The following ITFG1 variants were observed in gnomAD, a reference collection of about 807,000 sequenced individuals.
The protein encoded by ITFG1 is T-cell immunomodulatory protein.
A neutral mutation model predicts 81.8 loss-of-function variants in ITFG1; 34 were observed. That is an observed-to-expected ratio of 0.42 (90% CI 0.32 to 0.55). ITFG1 has a LOEUF of 0.55. Among genes scored for constraint, ITFG1 ranks in the 20% least tolerant of loss-of-function variants. The pLI is 0.17. For missense variants in ITFG1, 672 were observed against 755.4 expected, an observed-to-expected ratio of 0.89 and a Z score of 1.29; for synonymous variants, 285 against 270.6, an observed-to-expected ratio of 1.05 and a Z score of -0.52.
chr16:47,206,144 G>A (rs1965497396), intron 14 of ITFG1, among the ~76,000 whole-genome samples: 1 of 152,090 alleles, frequency 6.6e-6, no homozygotes, highest in Admixed American at 6.6e-5. Flanking sequence ...GGGAACACAG[G>A]CGTGATCCAC....
chr16:47,163,088 C>T (rs1964834641), intron 14 of ITFG1, among the ~76,000 whole-genome samples: 2 of 152,170 alleles, frequency 1.3e-5, no homozygotes, highest in Non-Finnish European at 2.9e-5. Flanking sequence ...AGGCGTGACC[C>T]ACCGTGCTCA....
At chr16:47,384,935 C>T (rs758504499) in intron 6 of ITFG1, among the ~76,000 whole-genome samples, 4 of 152,118 alleles carry the variant, frequency 2.6e-5, no homozygotes, top group Admixed American at 6.6e-5. Context: ...CTACTCCTTC[C>T]TTGAGGAGGC....
intron 8 of ITFG1, among the ~76,000 whole-genome samples, chr16:47,345,293 T>C (rs1967837030): frequency 1.6e-5 from 2 of 122,732 alleles, no homozygotes; most frequent in Admixed American, 1.5e-4. Flanking sequence ...AAAAAACTCT[T>C]TTTTTTTTTG....
At chr16:47,448,079 T>A (rs1309667789) in intron 5 of ITFG1, 2 of 152,204 alleles carry the variant, frequency 1.3e-5, no homozygotes, top group Non-Finnish European at 2.9e-5. Context: ...TAACGCTGAT[T>A]ACAAAGTCAA....
At chr16:47,190,198 CTTTT>C (rs1264875260) in intron 14 of ITFG1, among the ~76,000 whole-genome samples, 4 of 151,344 alleles carry the variant, frequency 2.6e-5, no homozygotes, top group Admixed American at 2.6e-4. Flanking sequence ...TATAAGGGGC[CTTTT>C]TTTAGTAGGA....
chr16:47,253,709 G>A (rs577260438), intron 12 of ITFG1, among the ~76,000 whole-genome samples: 3 of 152,278 alleles, frequency 2.0e-5, no homozygotes, highest in East Asian at 3.9e-4. Flanking sequence ...CACAATAGGC[G>A]TCGTGCTCCT....
intron 6 of ITFG1, among the ~76,000 whole-genome samples, chr16:47,426,579 C>T (rs1270253764): frequency 6.7e-6 from 1 of 150,048 alleles, no homozygotes; most frequent in Non-Finnish European, 1.5e-5. Context: ...TCTCCCCTCT[C>T]CTCCCCACCA....
chr16:47,418,933 C>T (rs1333704578), intron 6 of ITFG1, among the ~76,000 whole-genome samples: 2 of 152,064 alleles, frequency 1.3e-5, no homozygotes, highest in East Asian at 3.9e-4. Flanking sequence ...GTGAAGAATG[C>T]CATTGTTATT....
intron 10 of ITFG1, among the ~76,000 whole-genome samples, chr16:47,300,438 C>T (rs1967058174): frequency 6.6e-6 from 1 of 152,204 alleles, no homozygotes; most frequent in Non-Finnish European, 1.5e-5. Context: ...CAGTTCTTCA[C>T]ACCCCTGAGG....
At chr16:47,390,535 T>C (rs563022653) in intron 6 of ITFG1, among the ~76,000 whole-genome samples, 30 of 152,324 alleles carry the variant, frequency 2.0e-4, no homozygotes, top group Non-Finnish European at 4.3e-4. Context: ...CTCGGTTCAC[T>C]GCAACCTCCA....
chr16:47,387,570 ACAG>A (rs1968478236), intron 6 of ITFG1, among the ~76,000 whole-genome samples: 1 of 152,058 alleles, frequency 6.6e-6, no homozygotes, highest in Non-Finnish European at 1.5e-5. Flanking sequence ...CCACCTCCAA[ACAG>A]CACACAAATA....
At chr16:47,187,798 A>G (rs1965240823) in intron 14 of ITFG1, among the ~76,000 whole-genome samples, 1 of 152,196 alleles carries the variant, frequency 6.6e-6, no homozygotes, top group Admixed American at 6.5e-5. Flanking sequence ...TGCACAGCAA[A>G]AGAAACTACC....
intron 10 of ITFG1, among the ~76,000 whole-genome samples, chr16:47,266,427 C>T (rs887398272): frequency 1.1e-4 from 16 of 152,094 alleles, no homozygotes; most frequent in African/African-American, 2.4e-4. Flanking sequence ...CATGTTGGCC[C>T]GGCTGGTCTT....
intron 6 of ITFG1, among the ~76,000 whole-genome samples, chr16:47,403,761 TACACACACACAC>T (rs55978309): frequency 3.2e-4 from 43 of 133,236 alleles, no homozygotes; most frequent in African/African-American, 9.1e-4. Context: ...TCTCTCTTGG[TACACACACACAC>T]ACACACACAC....
chr16:47,167,584 C>G (rs905110179), intron 14 of ITFG1, among the ~76,000 whole-genome samples: 3 of 152,054 alleles, frequency 2.0e-5, no homozygotes, highest in Non-Finnish European at 4.4e-5. Flanking sequence ...ACCCCCTTGA[C>G]TGTAATTTTC....
chr16:47,186,484 A>C (rs1386605421), intron 14 of ITFG1, among the ~76,000 whole-genome samples: 2 of 152,242 alleles, frequency 1.3e-5, no homozygotes, highest in Non-Finnish European at 2.9e-5. Context: ...GTAATCCAGC[A>C]TAGAAACAGA....
At chr16:47,397,074 TAGG>T (rs1968603125) in intron 6 of ITFG1, among the ~76,000 whole-genome samples, 2 of 152,286 alleles carry the variant, frequency 1.3e-5, no homozygotes, top group South Asian at 2.1e-4. Flanking sequence ...AGAAACCTCA[TAGG>T]AGGAGATTTG....
At chr16:47,368,256 A>AAG (rs1968203439) in intron 7 of ITFG1, among the ~76,000 whole-genome samples, 1 of 149,678 alleles carries the variant, frequency 6.7e-6, no homozygotes, top group African/African-American at 2.5e-5. Context: ...AAAAAAAAAA[A>AAG]AGATCACAGC....
chr16:47,378,315 A>G (rs1968352347), intron 6 of ITFG1, among the ~76,000 whole-genome samples: 1 of 152,222 alleles, frequency 6.6e-6, no homozygotes, highest in Non-Finnish European at 1.5e-5. Context: ...CAAGAAATCA[A>G]AGGTCTGGTG....
Sources: gnomAD v4.1 joint callset for allele counts (sites outside exome capture counted in the v4.1 genomes callset) on GRCh38, gnomAD v4.1.1 for gene constraint, MANE v1.5 for transcripts, NCBI Gene and HGNC (gene_info 2026-07-23, HGNC 2026-07-21) for gene names.